Variants in BANK1 observed in about 807,000 individuals in gnomAD.
BANK1 encodes the protein B cell scaffold protein with ankyrin repeats 1, also known as B-cell scaffold protein with ankyrin repeats.
Under a neutral mutation model 94.5 loss-of-function variants are expected in BANK1, and 95 were observed. The observed-to-expected ratio is 1.00, with a 90% CI of 0.85 to 1.19. BANK1 has a LOEUF of 1.19. Ranked by LOEUF, BANK1 falls within the 50% of genes most tolerant of loss-of-function variation. BANK1 has a pLI of 0.00. For missense variants in BANK1, 987 were observed against 932.2 expected (o/e 1.06, Z -0.77); for synonymous variants, 334 against 308.4 (o/e 1.08, Z -0.87).
At chr4:101,923,394 C>T (rs1723062603) in intron 7 of BANK1, among the ~76,000 whole-genome samples, 1 of 151,634 alleles carries the variant, frequency 6.6e-6, no homozygotes, top group African/African-American at 2.4e-5. Context: ...GCATTTAGCT[C>T]ACTACTAAAG....
chr4:101,989,633 G>T (rs1037870136), intron 7 of BANK1, among the ~76,000 whole-genome samples: 1 of 150,890 alleles, frequency 6.6e-6, no homozygotes, highest in East Asian at 2.0e-4. Flanking sequence ...ATTTCATCTG[G>T]GACAGCTTTT....
chr4:102,030,619 T>A (rs1727270646), intron 10 of BANK1, among the ~76,000 whole-genome samples: 1 of 147,448 alleles, frequency 6.8e-6, no homozygotes, highest in African/African-American at 2.5e-5. Flanking sequence ...GTGTGTGATA[T>A]TCATATTCCC....
chr4:101,906,820 C>T (rs530303083), intron 6 of BANK1, among the ~76,000 whole-genome samples: 13 of 152,220 alleles, frequency 8.5e-5, no homozygotes, highest in African/African-American at 2.6e-4. Flanking sequence ...TGAGACCCAT[C>T]AACTTGGATT....
intron 7 of BANK1, among the ~76,000 whole-genome samples, chr4:101,962,633 A>G (rs1219801332): frequency 1.3e-5 from 2 of 152,100 alleles, no homozygotes; most frequent in African/African-American, 4.8e-5. Flanking sequence ...TGTCATCTGA[A>G]GTTGAATGGT....
intron 1 of BANK1, 111 bp from the exon 2 acceptor site, chr4:101,829,697 G>T (rs1300459296): frequency 6.9e-6 from 4 of 582,696 alleles, no homozygotes; most frequent in South Asian, 3.9e-5. Context: ...TTTTTCTCTG[G>T]TATAAGCAAA....
intron 7 of BANK1, among the ~76,000 whole-genome samples, chr4:102,007,113 A>AAT (rs1553940673): frequency 0.032 from 2,937 of 92,514 alleles, 125 homozygotes; most frequent in African/African-American, 0.12. Flanking sequence ...ATATATATAA[A>AAT]TATATATTTT....
At chr4:101,884,875 C>T (rs1728793415) in intron 5 of BANK1, among the ~76,000 whole-genome samples, 1 of 152,090 alleles carries the variant, frequency 6.6e-6, no homozygotes, top group African/African-American at 2.4e-5. Flanking sequence ...ATCTCAAATT[C>T]ATAGTCTGGA....
chr4:102,056,675 GA>G (rs577173456), intron 11 of BANK1, among the ~76,000 whole-genome samples: 4 of 151,522 alleles, frequency 2.6e-5, no homozygotes, highest in African/African-American at 9.7e-5. Context: ...AAGTGGTGGA[GA>G]AAAAAAATCA....
At chr4:102,008,031 T>C (rs1726362818) in intron 7 of BANK1, among the ~76,000 whole-genome samples, 2 of 152,164 alleles carry the variant, frequency 1.3e-5, no homozygotes, top group Non-Finnish European at 2.9e-5. Context: ...GATTCCTTCA[T>C]TGAGTAAGAA....
At chr4:101,963,771 GCCTTTT>G (rs773700758) in intron 7 of BANK1, among the ~76,000 whole-genome samples, 35 of 151,992 alleles carry the variant, frequency 2.3e-4, no homozygotes, top group Non-Finnish European at 3.8e-4. Context: ...TTTACCCGAG[GCCTTTT>G]CTCGCACCTG....
intron 15 of BANK1, 63 bp downstream of exon 15, chr4:102,072,463 T>G: frequency 1.6e-6 from 2 of 1,244,592 alleles, no homozygotes; most frequent in Non-Finnish European, 2.3e-6. Flanking sequence ...AAAAAGAACA[T>G]GAGAGCCTTC....
chr4:101,809,297 G>A (rs1725663751), intron 1 of BANK1, among the ~76,000 whole-genome samples: 2 of 152,128 alleles, frequency 1.3e-5, no homozygotes, highest in South Asian at 4.1e-4. Context: ...GCTAAGCTAT[G>A]AGGATGCAAA....
At chr4:101,947,835 T>C (rs1037886890) in intron 7 of BANK1, among the ~76,000 whole-genome samples, 7 of 152,000 alleles carry the variant, frequency 4.6e-5, no homozygotes, top group Non-Finnish European at 7.4e-5. Flanking sequence ...AACAAATGAA[T>C]CAATCATATA....
chr4:101,984,927 A>G (rs901159634), intron 7 of BANK1, among the ~76,000 whole-genome samples: 2 of 152,120 alleles, frequency 1.3e-5, no homozygotes, highest in Non-Finnish European at 2.9e-5. Context: ...CATTGATCCT[A>G]TGAAGAGTGG....
chr4:101,918,336 G>A (rs1055622376), intron 7 of BANK1, 147 bp downstream of exon 7: 14 of 449,952 alleles, frequency 3.1e-5, no homozygotes, highest in Non-Finnish European at 4.9e-5. Context: ...ATCAATAATC[G>A]TTAGGTTGCA....
chr4:101,916,997 T>C (rs1722849683), intron 6 of BANK1, among the ~76,000 whole-genome samples: 1 of 152,000 alleles, frequency 6.6e-6, no homozygotes, highest in Non-Finnish European at 1.5e-5. Context: ...ACCTAACAAG[T>C]GAGACTGTAA....
At chr4:101,933,556 G>T (rs1279235748) in intron 7 of BANK1, among the ~76,000 whole-genome samples, 1 of 151,428 alleles carries the variant, frequency 6.6e-6, no homozygotes, top group East Asian at 2.0e-4. Context: ...CATCATATTT[G>T]ATTTCATAAG....
chr4:102,049,792 G>A (rs572587809), intron 11 of BANK1, among the ~76,000 whole-genome samples: 2 of 152,300 alleles, frequency 1.3e-5, no homozygotes, highest in Admixed American at 6.5e-5. Context: ...CAGTAAGATC[G>A]CAGGAGTTGG....
At chr4:101,840,721 G>A (rs1248380290) in intron 2 of BANK1, among the ~76,000 whole-genome samples, 1 of 152,152 alleles carries the variant, frequency 6.6e-6, no homozygotes, top group Non-Finnish European at 1.5e-5. Context: ...GTAAATCTCT[G>A]TTCGAGGCTC....
Sources: gnomAD v4.1 joint callset for allele counts (sites outside exome capture counted in the v4.1 genomes callset) on GRCh38, gnomAD v4.1.1 for gene constraint, MANE v1.5 for transcripts, NCBI Gene and HGNC (gene_info 2026-07-23, HGNC 2026-07-21) for gene names.